Variants in TRIM62 observed in about 807,000 individuals in gnomAD.
TRIM62 encodes tripartite motif containing 62.
A neutral mutation model predicts 44.2 loss-of-function variants in TRIM62; 39 were observed. That is an observed-to-expected ratio of 0.88 (90% CI 0.68 to 1.15). The LOEUF is 1.15. TRIM62 is among the 50% of genes most tolerant of loss of function. The probability of loss-of-function intolerance (pLI) is 0.00; values close to 1 mark genes in which losing one functional copy is unlikely to be tolerated. For synonymous variants in TRIM62, 278 were observed against 292.3 expected (o/e 0.95, Z 0.50); for missense variants, 544 against 665.5 (o/e 0.82, Z 2.01).
chr1:33,156,063 G>T (rs536373364), intron 4 of TRIM62, among the ~76,000 whole-genome samples: 305 of 152,306 alleles, frequency 2.0e-3, no homozygotes, highest in African/African-American at 7.1e-3. Context: ...GGCTCCTGAA[G>T]ATGAACTGTC....
rs1395550913 is a variant in TRIM62, at chr1:33,145,800, A to C, written c.*1377T>G. On this transcript the variant is annotated 3_prime_UTR_variant, in exon 5 of 5. Coordinates refer to ENST00000291416, the MANE Select transcript of TRIM62 (RefSeq NM_018207.3). ...TCCACCCTCTCCCGAGTTCTTCACG[A>C]TTGGATGCTGTGGCAGAAAAACGCA... The C allele has an allele frequency of 2.1e-6, 1 of 466,694 alleles. No homozygotes were observed. Among genetic ancestry groups the C allele is most frequent in the East Asian group, 7.0e-5 (1 of 14,380 alleles). The allele number at this position is 466,694 out of a possible 1,614,324, so 28.9% of individuals were successfully genotyped here.
rs750160580 is a variant in TRIM62, at chr1:33,145,916, G to C, written c.*1261C>G. The C allele has an allele frequency of 1.2e-4, 57 of 471,006 alleles. No individual in the cohort carries two copies. Among genetic ancestry groups the C allele is most frequent in the Non-Finnish European group, 4.4e-6 (1 of 227,048 alleles). 29.2% of individuals were successfully genotyped at this position (471,006 alleles called of 1,614,324 possible). A position where few individuals can be genotyped will look rare whatever the true frequency, so the allele number is the denominator to read the frequency against. On this transcript the variant is annotated 3_prime_UTR_variant, in exon 5 of 5. Coordinates refer to ENST00000291416, the MANE Select transcript of TRIM62 (RefSeq NM_018207.3). ...AGCCAAGGTTCTGGATCTGACTTAAGTTCCCCCAAACAGAATCTCTTGTAA... is the reference window on the plus strand; with the variant it reads ...AGCCAAGGTTCTGGATCTGACTTAACTTCCCCCAAACAGAATCTCTTGTAA...
At chr1:33,160,481 T>G (rs1645250269) in intron 2 of TRIM62, among the ~76,000 whole-genome samples, 1 of 152,152 alleles carries the variant, frequency 6.6e-6, no homozygotes, top group South Asian at 2.1e-4. Context: ...CTCGGATCAT[T>G]GCAACCTCCA....
intron 1 of TRIM62, among the ~76,000 whole-genome samples, chr1:33,178,115 T>C (rs1645435706): frequency 6.6e-6 from 1 of 152,192 alleles, no homozygotes; most frequent in African/African-American, 2.4e-5. Flanking sequence ...TAGGCCCAGC[T>C]TCCTCTGGCT....
At position 33,181,531 on chromosome 1, in the gene TRIM62, G is replaced by C; in HGVS notation, c.-99C>G. On this transcript the variant is annotated 5_prime_UTR_variant, in exon 1 of 5. Transcript: ENST00000291416. This position sits in a 1 kb window ranked among gnomAD's most constrained non-coding sequence, Gnocchi z 6.5. ...AGCACCGAGGGCTGGGCGCGGGGACGAGGCCCGCACAGGCAGGGGTAGGAG... is the reference window on the plus strand; with the variant it reads ...AGCACCGAGGGCTGGGCGCGGGGACCAGGCCCGCACAGGCAGGGGTAGGAG... 1 of 1,450,276 alleles carries C rather than the reference G, an allele frequency of 6.9e-7. No individual in the cohort carries two copies. Among genetic ancestry groups the C allele is most frequent in the South Asian group, 1.4e-5 (1 of 69,966 alleles). The allele number at this position is 1,450,276 out of a possible 1,614,324, so 89.8% of individuals were successfully genotyped here. A position where few individuals can be genotyped will look rare whatever the true frequency, so the allele number is the denominator to read the frequency against.
At chr1:33,172,406 A>T (rs1288843746) in intron 1 of TRIM62, among the ~76,000 whole-genome samples, 1 of 151,942 alleles carries the variant, frequency 6.6e-6, no homozygotes, top group African/African-American at 2.4e-5. Flanking sequence ...GTGGTTGGGG[A>T]TGGCTGCAGC....
At chr1:33,152,431 G>C (rs552115475) in intron 4 of TRIM62, among the ~76,000 whole-genome samples, 1 of 152,202 alleles carries the variant, frequency 6.6e-6, no homozygotes, top group Non-Finnish European at 1.5e-5. Context: ...GCGGCGCATG[G>C]TGGCACATGC....
chr1:33,168,007 GA>G (rs1395082809), intron 1 of TRIM62, among the ~76,000 whole-genome samples: 1 of 152,152 alleles, frequency 6.6e-6, no homozygotes, highest in African/African-American at 2.4e-5. Flanking sequence ...AACAAACAAG[GA>G]AAATAATAAA....
intron 1 of TRIM62, among the ~76,000 whole-genome samples, chr1:33,169,878 C>T (rs1002019115): frequency 7.9e-5 from 12 of 152,158 alleles, no homozygotes; most frequent in African/African-American, 1.7e-4. Flanking sequence ...CTGAGCAGCT[C>T]GCAGGGCTCT....
Position 33,147,522 on chromosome 1 carries a change from G to T in TRIM62, c.1083C>A (p.Thr361=). The change falls in exon 5 of 5, where the codon ACC becomes ACA. Residue 361 remains threonine, a synonymous_variant. Coordinates refer to ENST00000291416, the MANE Select transcript of TRIM62 (RefSeq NM_018207.3). The surrounding 1 kb of genome is among the most constrained non-coding windows in gnomAD (Gnocchi z 8.1). ...HYWEVVVAEK[T]QWVIGLAHEA... is the part of the protein sequence containing the mutation. The stretch of plus-strand genomic sequence containing the variant: ...CGTGTGCCAGCCCGATCACCCACTG[G>T]GTCTTCTCCGCCACCACCACCTCCC... The T allele has an allele frequency of 1.2e-6, 2 of 1,613,752 alleles. No individual in the cohort carries two copies. Among genetic ancestry groups the T allele is most frequent in the Non-Finnish European group, 1.7e-6 (2 of 1,179,988 alleles).
At chr1:33,168,692 C>T (rs932428460) in intron 1 of TRIM62, among the ~76,000 whole-genome samples, 3 of 152,210 alleles carry the variant, frequency 2.0e-5, no homozygotes, top group East Asian at 1.9e-4. Context: ...ATACAGTCCT[C>T]GGAGCAGAGG....
rs764441705 is a variant in TRIM62, at chr1:33,165,537, A to T, written c.438T>A (p.Leu146=). 15 of 1,610,696 alleles carry T rather than the reference A, an allele frequency of 9.3e-6. No homozygotes were observed. Among genetic ancestry groups the T allele is most frequent in the Non-Finnish European group, 1.0e-5 (12 of 1,178,562 alleles). ...CGGTGTGTTCCCGCTCGCTGTCTTG[A>T]AGGGCCTGAAGTTGGTCCTTCAGCT... The part of the protein sequence containing the change: ...QRELKDQLQA[L]QDSEREHTEA... Residue 146 remains leucine, a synonymous_variant, in exon 2 of 5, where the codon CTT becomes CTA. Transcript: ENST00000291416. The surrounding 1 kb of genome is among the most constrained non-coding windows in gnomAD (Gnocchi z 4.0).
At chr1:33,174,319 C>T (rs1052116596) in intron 1 of TRIM62, among the ~76,000 whole-genome samples, 9 of 152,098 alleles carry the variant, frequency 5.9e-5, no homozygotes, top group African/African-American at 1.9e-4. Context: ...ATAGCTGGGA[C>T]TACAGGTGCA....
At chr1:33,170,345 C>T (rs1001731444) in intron 1 of TRIM62, among the ~76,000 whole-genome samples, 2 of 151,360 alleles carry the variant, frequency 1.3e-5, no homozygotes, top group Admixed American at 1.3e-4. Flanking sequence ...ATCTCCCCTA[C>T]TAGATTGTAC....
intron 1 of TRIM62, among the ~76,000 whole-genome samples, chr1:33,168,372 G>A (rs886387113): frequency 7.0e-6 from 1 of 141,852 alleles, no homozygotes; most frequent in Admixed American, 7.5e-5. Context: ...TAGGAAGCTG[G>A]CTGTCTGAGA....
rs931677310 is a variant in TRIM62, at chr1:33,158,321, G to A, written c.809C>T (p.Pro270Leu). 21 of 1,613,954 alleles carry A rather than the reference G, an allele frequency of 1.3e-5. No homozygotes were observed. The highest frequency in any genetic ancestry group is 7.7e-5 in the South Asian group (7 of 91,076). The change falls in exon 4 of 5, where the codon CCG becomes CTG. Residue 270 changes from proline to leucine, a missense_variant. Physicochemically the swap from Pro to Leu is moderately conservative, Grantham distance 98. Transcript: ENST00000291416. Reference protein sequence around the residue: ...HETNLTYEDFPTSKYTGPLQY... With the variant: ...HETNLTYEDFLTSKYTGPLQY... ...CAGGGGGCCTGTGTACTTGGAGGTC[G>A]GGAAGTCTTCATATGTGAGGTTGGT...
intron 2 of TRIM62, among the ~76,000 whole-genome samples, chr1:33,162,338 C>G (rs1645279530): frequency 6.6e-6 from 1 of 152,246 alleles, no homozygotes; most frequent in Non-Finnish European, 1.5e-5. Context: ...TGGCAAACTC[C>G]TACTCATCCT....
chr1:33,158,613 T>TG (rs1284129378), intron 3 of TRIM62, among the ~76,000 whole-genome samples: 1 of 152,238 alleles, frequency 6.6e-6, no homozygotes, highest in Non-Finnish European at 1.5e-5. Context: ...GAGAATTACA[T>TG]GGCATAACAT....
intron 4 of TRIM62, among the ~76,000 whole-genome samples, chr1:33,149,059 G>A (rs1391383881): frequency 6.6e-6 from 1 of 152,134 alleles, no homozygotes; most frequent in Non-Finnish European, 1.5e-5. Flanking sequence ...CACCCCCAGA[G>A]GCTCAATTCA....
Sources: allele counts gnomAD v4.1 joint callset (sites outside exome capture counted in the v4.1 genomes callset), GRCh38; gene constraint gnomAD v4.1.1; non-coding constraint Gnocchi (gnomAD v3.1); transcripts MANE v1.5; gene names NCBI Gene and HGNC (gene_info 2026-07-23, HGNC 2026-07-21).